Variants in SOBP observed in about 807,000 individuals in gnomAD.
SOBP encodes sine oculis binding protein homolog.
A neutral mutation model predicts 53.6 loss-of-function variants in SOBP; 4 were observed. The observed-to-expected ratio is 0.07, with a 90% CI of 0.04 to 0.17. The LOEUF is 0.17. Ranked by LOEUF, SOBP falls within the 10% of genes least tolerant of loss-of-function variation. The pLI is 1.00. For missense variants in SOBP, 1,088 were observed against 1,204.7 expected (o/e 0.90, Z 1.43); for synonymous variants, 584 against 522.6 (o/e 1.12, Z -1.60).
intron 1 of SOBP, among the ~76,000 whole-genome samples, chr6:107,499,887 C>T (rs1422647231): frequency 1.3e-5 from 2 of 152,028 alleles, no homozygotes; most frequent in Admixed American, 1.3e-4. Context: ...TGCATTTTAA[C>T]TACTATTACC....
At chr6:107,605,358 G>T (rs569971848) in intron 5 of SOBP, among the ~76,000 whole-genome samples, 1 of 152,358 alleles carries the variant, frequency 6.6e-6, no homozygotes, top group Admixed American at 6.5e-5. Context: ...GGGTTCAGGG[G>T]CCTCGGCTTC....
At chr6:107,609,953 C>G (rs908023090) in intron 5 of SOBP, among the ~76,000 whole-genome samples, 1 of 152,198 alleles carries the variant, frequency 6.6e-6, no homozygotes, top group Non-Finnish European at 1.5e-5. Context: ...TCTCTTCCCA[C>G]TCTAAATACA....
chr6:107,635,403 G>T lies in SOBP; in HGVS notation c.2559G>T (p.Gly853=). The T allele has an allele frequency of 6.2e-7, 1 of 1,613,416 alleles. No homozygotes were observed. Among genetic ancestry groups the T allele is most frequent in the Non-Finnish European group, 8.5e-7 (1 of 1,180,020 alleles). Residue 853 remains glycine, a synonymous_variant, in exon 6 of 7, where the codon GGG becomes GGT. Coordinates refer to ENST00000317357, the MANE Select transcript of SOBP (RefSeq NM_018013.4). This position sits in a 1 kb window ranked among gnomAD's most constrained non-coding sequence, Gnocchi z 4.5. ...CIISSPMLSA[G]PEDLEPPLKR... ...TCTCCTCGCCCATGCTCAGCGCCGG[G>T]CCTGAGGACCTGGAGCCGCCGCTCA...
intron 4 of SOBP, among the ~76,000 whole-genome samples, chr6:107,543,763 A>G (rs1195063218): frequency 1.3e-5 from 2 of 152,222 alleles, no homozygotes; most frequent in Non-Finnish European, 2.9e-5. Flanking sequence ...TCCAAAGTGG[A>G]TTGAAAGATA....
Position 107,634,729 on chromosome 6 carries a change from AGCCCCCCGG to A in SOBP, c.1897_1905del (p.Pro633_Gly635del), listed in dbSNP as rs746750430. On this transcript the variant is annotated inframe_deletion, in exon 6 of 7. Coordinates refer to ENST00000317357, the MANE Select transcript of SOBP (RefSeq NM_018013.4). This position sits in a 1 kb window ranked among gnomAD's most constrained non-coding sequence, Gnocchi z 4.5. ...GGTGGACCTGACGCGGCGCGCCGGC[AGCCCCCCGG>A]GCCCCCCGGGCGCGGGCGGCCAGCT... is the stretch of plus-strand genomic sequence containing the variant. The A allele has an allele frequency of 1.0e-4, 140 of 1,356,918 alleles. No individual in the cohort carries two copies. The highest frequency in any genetic ancestry group is 9.1e-4 in the African/African-American group (59 of 64,800). The allele number at this position is 1,356,918 out of a possible 1,614,324, so 84.1% of individuals were successfully genotyped here.
intron 4 of SOBP, among the ~76,000 whole-genome samples, chr6:107,578,073 CAAA>C (rs11362582): frequency 1.6e-4 from 14 of 87,470 alleles, no homozygotes; most frequent in Non-Finnish European, 2.0e-4. Flanking sequence ...GACTCTGTCT[CAAA>C]AAAAAAAAAA....
chr6:107,581,164 G>T (rs1487218808), intron 4 of SOBP, among the ~76,000 whole-genome samples: 1 of 152,184 alleles, frequency 6.6e-6, no homozygotes, highest in Non-Finnish European at 1.5e-5. Flanking sequence ...TGGTCATAAT[G>T]CAATGCAATA....
chr6:107,561,183 G>A (rs1208844649), intron 4 of SOBP, among the ~76,000 whole-genome samples: 3 of 152,120 alleles, frequency 2.0e-5, no homozygotes, highest in African/African-American at 7.2e-5. Flanking sequence ...GGATGTTAAG[G>A]TGAATGTTTC....
At chr6:107,497,683 C>T (rs527614947) in intron 1 of SOBP, among the ~76,000 whole-genome samples, 8 of 152,012 alleles carry the variant, frequency 5.3e-5, no homozygotes, top group Non-Finnish European at 1.0e-4. Context: ...CTTTTCATGG[C>T]AATAAAAATG....
chr6:107,549,557 CT>C (rs1784406641), intron 4 of SOBP, among the ~76,000 whole-genome samples: 2 of 151,864 alleles, frequency 1.3e-5, no homozygotes, highest in Non-Finnish European at 2.9e-5. Context: ...GGAGTTAGAA[CT>C]TTATATTTCC....
At chr6:107,533,149 A>G (rs895808424) in intron 3 of SOBP, among the ~76,000 whole-genome samples, 14 of 150,348 alleles carry the variant, frequency 9.3e-5, no homozygotes, top group Admixed American at 2.0e-4. Flanking sequence ...GGGCTGGTTT[A>G]ACTAGGCAGA....
chr6:107,522,230 G>C (rs185313194), intron 3 of SOBP, among the ~76,000 whole-genome samples: 106 of 152,268 alleles, frequency 7.0e-4, no homozygotes, highest in African/African-American at 2.4e-3. Context: ...TAGGAGCCAT[G>C]GAGACCATGC....
intron 1 of SOBP, among the ~76,000 whole-genome samples, chr6:107,500,371 C>A (rs1287116694): frequency 6.6e-4 from 97 of 146,798 alleles, no homozygotes; most frequent in Non-Finnish European, 1.2e-3. Flanking sequence ...CAGAGTGAGA[C>A]CCTGTCTAAA....
chr6:107,617,112 C>T (rs1172011094), intron 5 of SOBP, among the ~76,000 whole-genome samples: 1 of 152,174 alleles, frequency 6.6e-6, no homozygotes, highest in Non-Finnish European at 1.5e-5. Context: ...AGCATGCAGG[C>T]ATGGTATAAA....
At position 107,659,541 on chromosome 6, in the gene SOBP, A is replaced by AG. The variant is rs1227617476; in HGVS notation, c.*1338_*1339insG. The AG allele has an allele frequency of 6.6e-6, 1 of 152,428 alleles. No homozygotes were observed. Among genetic ancestry groups the AG allele is most frequent in the East Asian group, 1.9e-4 (1 of 5,196 alleles). The allele number at this position is 152,428 out of a possible 1,614,324, so 9.4% of individuals were successfully genotyped here. A position where few individuals can be genotyped will look rare whatever the true frequency, so the allele number is the denominator to read the frequency against. On this transcript the variant is annotated 3_prime_UTR_variant, in exon 7 of 7. Coordinates refer to ENST00000317357, the MANE Select transcript of SOBP (RefSeq NM_018013.4). ...AAAAAAGGAAGAAAACTAAAAAAAA[A>AG]AAAAATCAAATCACCTTGTGATTCA...
At chr6:107,546,598 A>G (rs562313814) in intron 4 of SOBP, among the ~76,000 whole-genome samples, 18 of 152,340 alleles carry the variant, frequency 1.2e-4, no homozygotes, top group Non-Finnish European at 2.2e-4. Context: ...AAGCCTCTGG[A>G]TTTGAAATGG....
At chr6:107,575,078 G>A (rs547589431) in intron 4 of SOBP, among the ~76,000 whole-genome samples, 1 of 152,296 alleles carries the variant, frequency 6.6e-6, no homozygotes, top group South Asian at 2.1e-4. Flanking sequence ...TGGGGGTTGA[G>A]ATCTGCACCT....
intron 6 of SOBP, among the ~76,000 whole-genome samples, chr6:107,645,019 T>A (rs553910102): frequency 6.6e-6 from 1 of 151,986 alleles, no homozygotes; most frequent in South Asian, 2.1e-4. Context: ...TATGAAAAAT[T>A]TTTGGTGGAA....
chr6:107,520,218 A>G (rs1783441486), intron 3 of SOBP, among the ~76,000 whole-genome samples: 1 of 152,192 alleles, frequency 6.6e-6, no homozygotes, highest in South Asian at 2.1e-4. Context: ...AAACTAAGTC[A>G]GGGGTTCGAG....
Sources: allele counts gnomAD v4.1 joint callset (sites outside exome capture counted in the v4.1 genomes callset), GRCh38; gene constraint gnomAD v4.1.1; non-coding constraint Gnocchi (gnomAD v3.1); transcripts MANE v1.5; gene names NCBI Gene and HGNC (gene_info 2026-07-23, HGNC 2026-07-21).